Variants in FAM133B observed in about 807,000 individuals in gnomAD.
FAM133B encodes protein FAM133B.
A neutral mutation model predicts 46.4 loss-of-function variants in FAM133B; 25 were observed. The ratio of observed to expected loss-of-function variants is 0.54; its 90% CI spans 0.39 to 0.75. The LOEUF is 0.75. FAM133B is among the 30% of genes least tolerant of loss of function. The pLI is 0.00. For missense variants in FAM133B, 205 were observed against 277.6 expected, an observed-to-expected ratio of 0.74 and a Z score of 1.86; for synonymous variants, 75 against 86.0, an observed-to-expected ratio of 0.87 and a Z score of 0.71.
intron 8 of FAM133B, among the ~76,000 whole-genome samples, chr7:92,575,504 A>C (rs568056028): frequency 6.6e-6 from 1 of 152,268 alleles, no homozygotes; most frequent in African/African-American, 2.4e-5. Flanking sequence ...ATCAAAGGAA[A>C]TGTTTAATCT....
In FAM133B at chr7:92,577,125, G is replaced by C. The variant is rs1407777792; in HGVS notation, c.443C>G (p.Ser148Ter). The C allele has an allele frequency of 3.3e-6, 5 of 1,495,290 alleles. No individual in the cohort carries two copies. Among genetic ancestry groups the C allele is most frequent in the Non-Finnish European group, 4.5e-6 (5 of 1,119,814 alleles). The allele number at this position is 1,495,290 out of a possible 1,614,324, so 92.6% of individuals were successfully genotyped here. ...TACCTTACTGTCTGATTCAGTTTCT[G>C]ACATGGAGCTTTCAGAAGATTTATG... is the stretch of plus-strand genomic sequence containing the variant. ...RSHKSSESSM[S>*]ETESDSKDSL... Residue 148 changes from serine (S) to a stop codon, truncating the protein, a stop_gained, in exon 7 of 11, where the codon TCA becomes TGA. Transcript: ENST00000445716. LOFTEE classifies it high-confidence loss of function.
chr7:92,577,609 G>A, intron 6 of FAM133B, 46 bp downstream of exon 6: 1 of 1,454,860 alleles, frequency 6.9e-7, no homozygotes, highest in Non-Finnish European at 9.3e-7. Context: ...TGACATTAAA[G>A]AAATTAAGAG....
intron 10 of FAM133B, among the ~76,000 whole-genome samples, chr7:92,563,889 C>T (rs1296262985): frequency 2.0e-5 from 3 of 152,194 alleles, no homozygotes; most frequent in Admixed American, 6.5e-5. Context: ...CCATCCTTGC[C>T]AGTCCAACTC....
intron 8 of FAM133B, among the ~76,000 whole-genome samples, chr7:92,571,513 A>G (rs1794529767): frequency 6.6e-6 from 1 of 152,142 alleles, no homozygotes; most frequent in African/African-American, 2.4e-5. Context: ...CAAAAGTTTG[A>G]GTTTTGAGGC....
intron 2 of FAM133B, 44 bp downstream of exon 2, chr7:92,581,462 A>C (rs1794867694): frequency 6.6e-7 from 1 of 1,505,344 alleles, no homozygotes; most frequent in South Asian, 1.2e-5. Flanking sequence ...AAACTTTAAA[A>C]AGTTGATAAA....
At chr7:92,571,431 T>C (rs751055449) in intron 8 of FAM133B, among the ~76,000 whole-genome samples, 7 of 152,216 alleles carry the variant, frequency 4.6e-5, no homozygotes, top group Non-Finnish European at 8.8e-5. Context: ...AGTCTGTTCA[T>C]TGTAGTTAAA....
At chr7:92,577,923 C>G (rs1794750947) in intron 5 of FAM133B, 5 of 651,014 alleles carry the variant, frequency 7.7e-6, no homozygotes, top group Non-Finnish European at 1.3e-5. Context: ...GGTCACCAAT[C>G]TTTCTCTTTA....
chr7:92,572,549 C>T (rs550678148), intron 8 of FAM133B, among the ~76,000 whole-genome samples: 191 of 152,292 alleles, frequency 1.3e-3, no homozygotes, highest in African/African-American at 4.3e-3. Flanking sequence ...GAAACCCTGT[C>T]TCTACTGAAA....
chr7:92,584,047 C>CCAAA (rs1794966862), intron 1 of FAM133B, among the ~76,000 whole-genome samples: 1 of 36,794 alleles, frequency 2.7e-5, no homozygotes, highest in African/African-American at 9.4e-5. Flanking sequence ...AAGACTGTCT[C>CCAAA]AAAAAAAAAA....
chr7:92,562,458 C>A (rs1430266371), intron 10 of FAM133B, 90 bp from the exon 11 acceptor site: 3 of 1,451,338 alleles, frequency 2.1e-6, no homozygotes, highest in Non-Finnish European at 2.7e-6. Flanking sequence ...CCACATAATT[C>A]CAAACAATCC....
Position 92,575,766 on chromosome 7 carries a change from G to C in FAM133B, c.516+5C>G, listed in dbSNP as rs1263931180. The C allele has an allele frequency of 7.3e-7, 1 of 1,361,146 alleles. No homozygotes were observed. Among genetic ancestry groups the C allele is most frequent in the Non-Finnish European group, 1.0e-6 (1 of 960,696 alleles). The allele number at this position is 1,361,146 out of a possible 1,614,324, so 84.3% of individuals were successfully genotyped here. ...TATCTTAAGGCAATGTAAAAGTATA[G>C]TTACCTTTTCTTTCTCAGTTCCATC... On this transcript the variant is annotated splice_donor_5th_base_variant and intron_variant, in intron 8 of 10. Coordinates refer to ENST00000445716, the MANE Select transcript of FAM133B (RefSeq NM_152789.4).
At chr7:92,569,024 T>C (rs1326213824) in intron 9 of FAM133B, among the ~76,000 whole-genome samples, 1 of 152,114 alleles carries the variant, frequency 6.6e-6, no homozygotes, top group African/African-American at 2.4e-5. Context: ...ATGAGGAATA[T>C]AGTAGACAGA....
At chr7:92,580,371 A>G (rs1342277341) in intron 2 of FAM133B, among the ~76,000 whole-genome samples, 1 of 152,166 alleles carries the variant, frequency 6.6e-6, no homozygotes, top group Non-Finnish European at 1.5e-5. Flanking sequence ...CTGAAACTGT[A>G]GGCATGAGCA....
At chr7:92,577,573 C>A (rs1794738309) in intron 6 of FAM133B, 82 bp downstream of exon 6, 1 of 1,183,242 alleles carries the variant, frequency 8.5e-7, no homozygotes, top group Non-Finnish European at 1.2e-6. Context: ...ACATTTCTAA[C>A]AGATATTTCA....
intron 9 of FAM133B, among the ~76,000 whole-genome samples, chr7:92,568,014 T>G (rs770187114): frequency 5.9e-5 from 9 of 152,186 alleles, no homozygotes; most frequent in East Asian, 5.8e-4. Context: ...TCCATCTGCC[T>G]TGGCCTCCCA....
intron 3 of FAM133B, 124 bp downstream of exon 3, chr7:92,579,193 T>G: frequency 1.4e-6 from 1 of 733,242 alleles, no homozygotes; most frequent in South Asian, 1.7e-5. Context: ...CCTTACTTTG[T>G]TGCCCAGGCT....
Position 92,561,242 on chromosome 7 carries a change from A to G in FAM133B, c.*1040T>C, listed in dbSNP as rs1011344141. The stretch of plus-strand genomic sequence containing the variant: ...ATCAAAACCCTGCTTTTTACATGCT[A>G]AATATCTTGGCAAGTAGGCCATTAA... On this transcript the variant is annotated 3_prime_UTR_variant, in exon 11 of 11. Transcript: ENST00000445716. 16 of 144,204 alleles carry G rather than the reference A, an allele frequency of 1.1e-4. No homozygotes were observed. Among genetic ancestry groups the G allele is most frequent in the African/African-American group, 3.9e-4 (15 of 38,298 alleles). 8.9% of individuals were successfully genotyped at this position (144,204 alleles called of 1,614,324 possible).
intron 2 of FAM133B, among the ~76,000 whole-genome samples, chr7:92,580,900 T>G (rs1436264549): frequency 1.3e-5 from 2 of 152,308 alleles, no homozygotes; most frequent in Middle Eastern, 3.4e-3. Context: ...TACTTCTTAT[T>G]TAACTCAAAG....
chr7:92,576,056 T>C (rs979747304), intron 7 of FAM133B, among the ~76,000 whole-genome samples: 1 of 152,228 alleles, frequency 6.6e-6, no homozygotes, highest in Non-Finnish European at 1.5e-5. Flanking sequence ...ATAAGTACTG[T>C]CTGTAATACC....
Sources: gnomAD v4.1 joint callset for allele counts (sites outside exome capture counted in the v4.1 genomes callset) on GRCh38, gnomAD v4.1.1 for gene constraint, MANE v1.5 for transcripts, NCBI Gene and HGNC (gene_info 2026-07-23, HGNC 2026-07-21) for gene names.